Variants in HEG1 observed in about 807,000 individuals in gnomAD.
HEG1 encodes protein HEG homolog 1.
A neutral mutation model predicts 125.6 loss-of-function variants in HEG1; 56 were observed. The observed-to-expected ratio is 0.45, with a 90% CI of 0.36 to 0.56. The LOEUF (loss-of-function observed/expected upper bound fraction) is 0.56, where lower values mean the gene tolerates loss of function less well. HEG1 is among the 20% of genes least tolerant of loss of function. The pLI is 0.00. For synonymous variants in HEG1, 644 were observed against 668.5 expected, an observed-to-expected ratio of 0.96 and a Z score of 0.57; for missense variants, 1,523 against 1,670.0, an observed-to-expected ratio of 0.91 and a Z score of 1.53.
rs1225002080 is a variant in HEG1, at chr3:125,055,681, C to T, written c.210G>A (p.Arg70=). 16 of 1,138,900 alleles carry T rather than the reference C, an allele frequency of 1.4e-5. No individual in the cohort carries two copies. Among genetic ancestry groups the T allele is most frequent in the Non-Finnish European group, 1.7e-5 (16 of 929,044 alleles). 70.5% of individuals were successfully genotyped at this position (1,138,900 alleles called of 1,614,324 possible). A position where few individuals can be genotyped will look rare whatever the true frequency, so the allele number is the denominator to read the frequency against. The change falls in exon 1 of 17, where the codon CGG becomes CGA. Residue 70 remains arginine, a synonymous_variant. Transcript: ENST00000311127. The part of the protein sequence containing the change: ...PEREPPPTPP[R]ERRGPATPGP... ...CGGGGGTCGCGGGCCCGCGGCGCTC[C>T]CGGGGCGGCGTGGGCGGCGGCTCGC...
chr3:124,987,932 C>CAA (rs1936766616), intron 14 of HEG1, among the ~76,000 whole-genome samples: 2 of 92,602 alleles, frequency 2.2e-5, no homozygotes, highest in African/African-American at 6.4e-5. Context: ...TGTACACACA[C>CAA]ACACACACAC....
Position 125,013,841 on chromosome 3 carries a change from T to C in HEG1, c.1738A>G (p.Ile580Val), listed in dbSNP as rs755326166. ...SITDNSSSSD[I>V]VESSTSYIKI... is the part of the protein sequence containing the mutation. ...ATATAAGAAGTTGAGCTCTCCACAA[T>C]GTCTGAGGATGAACTGTTATCTGTA... The change falls in exon 6 of 17, where the codon ATT (isoleucine) becomes GTT (valine). Residue 580 changes from isoleucine to valine, a missense_variant. Ile to Val is a conservative substitution (Grantham distance 29). Transcript: ENST00000311127. 6.2e-7 allele frequency: 1 copy of C among 1,613,900 alleles called. No individual in the cohort carries two copies. Among genetic ancestry groups the C allele is most frequent in the Non-Finnish European group, 8.5e-7 (1 of 1,179,886 alleles).
At chr3:125,035,730 G>A (rs370683506) in intron 1 of HEG1, among the ~76,000 whole-genome samples, 1 of 151,918 alleles carries the variant, frequency 6.6e-6, no homozygotes, top group Non-Finnish European at 1.5e-5. Flanking sequence ...AAAAATACAT[G>A]TGTGAATAAA....
intron 7 of HEG1, 53 bp from the exon 8 acceptor site, chr3:125,009,877 C>A: frequency 6.4e-7 from 1 of 1,559,158 alleles, no homozygotes; most frequent in South Asian, 1.2e-5. Flanking sequence ...ACAGCAAAAC[C>A]ATAACCCAGT....
At chr3:125,028,892 T>A (rs866966559) in intron 2 of HEG1, among the ~76,000 whole-genome samples, 5 of 152,152 alleles carry the variant, frequency 3.3e-5, no homozygotes, top group East Asian at 1.9e-4. Context: ...CAGCTATGCA[T>A]CCCACAAAAC....
At chr3:125,051,975 C>T (rs1003586826) in intron 1 of HEG1, among the ~76,000 whole-genome samples, 1 of 152,184 alleles carries the variant, frequency 6.6e-6, no homozygotes, top group Non-Finnish European at 1.5e-5. Context: ...CAGCAAATAC[C>T]TTTCAGTCTC....
At chr3:124,976,439 C>T (rs189555466) in intron 15 of HEG1, among the ~76,000 whole-genome samples, 2 of 151,878 alleles carry the variant, frequency 1.3e-5, no homozygotes, top group South Asian at 2.1e-4. Flanking sequence ...CCACTCGCCT[C>T]GAACTCCCAA....
intron 1 of HEG1, among the ~76,000 whole-genome samples, chr3:125,053,019 G>C (rs1166623725): frequency 3.3e-5 from 5 of 152,224 alleles, no homozygotes; most frequent in Non-Finnish European, 7.3e-5. Flanking sequence ...CCCATGGCAC[G>C]AAAGGCCTGC....
At position 125,055,746 on chromosome 3, in the gene HEG1, C is replaced by T; in HGVS notation, c.145G>A (p.Gly49Arg). The T allele has an allele frequency of 2.0e-6, 2 of 1,019,054 alleles. No individual in the cohort carries two copies. Among genetic ancestry groups the T allele is most frequent in the Non-Finnish European group, 2.3e-6 (2 of 853,762 alleles). 63.1% of individuals were successfully genotyped at this position (1,019,054 alleles called of 1,614,324 possible). The part of the protein sequence containing the change: ...RRALSLAPLA[G>R]AGLELQLERR... ...TCCAGCTGCAGCTCCAGCCCCGCTCCCGCGAGGGGCGCCAGGCTCAGCGCG... is the reference window on the plus strand; with the variant it reads ...TCCAGCTGCAGCTCCAGCCCCGCTCTCGCGAGGGGCGCCAGGCTCAGCGCG... Residue 49 changes from glycine (G) to arginine (R), a missense_variant, in exon 1 of 17, where the codon GGA becomes AGA. Gly to Arg is a moderately radical substitution (Grantham distance 125, BLOSUM62 -2). Transcript: ENST00000311127.
intron 8 of HEG1, among the ~76,000 whole-genome samples, chr3:125,007,004 C>A (rs1185789184): frequency 6.6e-6 from 1 of 151,716 alleles, no homozygotes; most frequent in Non-Finnish European, 1.5e-5. Context: ...TCGAGACCAT[C>A]CCGGCTAAAA....
chr3:125,012,724 G>GT lies in HEG1; in HGVS notation c.2854dup (p.Thr952AsnfsTer8). 3.1e-6 allele frequency: 5 copies of GT among 1,614,036 alleles called. No homozygotes were observed. The highest frequency in any genetic ancestry group is 4.2e-6 in the Non-Finnish European group (5 of 1,179,902). Reference sequence around the variant, plus strand: ...GTCTTCAGCCGTGGAAACAACTGTGGTTTGGGGAGAAGGAGATGTTCCGAG... The same window carrying GT: ...GTCTTCAGCCGTGGAAACAACTGTGGTTTTGGGGAGAAGGAGATGTTCCGAG... On this transcript the variant is annotated frameshift_variant, in exon 6 of 17. Coordinates refer to ENST00000311127, the MANE Select transcript of HEG1 (RefSeq NM_020733.2). LOFTEE classifies it high-confidence loss of function.
intron 15 of HEG1, 49 bp downstream of exon 15, chr3:124,977,810 A>G (rs1367959915): frequency 8.1e-7 from 1 of 1,235,116 alleles, no homozygotes; most frequent in Admixed American, 2.0e-5. Context: ...TGACCCTTGT[A>G]TAGCACAGGC....
intron 1 of HEG1, among the ~76,000 whole-genome samples, chr3:125,031,668 C>CACAT (rs1184060890): frequency 1.5e-3 from 223 of 144,020 alleles, no homozygotes; most frequent in African/African-American, 5.4e-3. Flanking sequence ...CACACACACA[C>CACAT]ACATACATAC....
chr3:124,976,967 T>C (rs917244701), intron 15 of HEG1, among the ~76,000 whole-genome samples: 1 of 152,182 alleles, frequency 6.6e-6, no homozygotes, highest in African/African-American at 2.4e-5. Flanking sequence ...ATGGTTCGGC[T>C]ATGTCCCCAT....
intron 1 of HEG1, among the ~76,000 whole-genome samples, chr3:125,030,662 G>C (rs562161635): frequency 5.9e-5 from 9 of 152,242 alleles, no homozygotes; most frequent in Non-Finnish European, 1.2e-4. Flanking sequence ...GTAGGTAGCA[G>C]ACGTAGGTGC....
intron 1 of HEG1, among the ~76,000 whole-genome samples, chr3:125,043,982 G>A (rs953417514): frequency 7.2e-5 from 11 of 152,228 alleles, no homozygotes; most frequent in East Asian, 1.9e-4. Context: ...CACAGCTGGC[G>A]GCTGACTTTC....
chr3:125,043,696 G>C (rs900876231), intron 1 of HEG1, among the ~76,000 whole-genome samples: 1 of 152,144 alleles, frequency 6.6e-6, no homozygotes, highest in African/African-American at 2.4e-5. Context: ...CTCTGGACGC[G>C]AAGGCCAAGG....
rs111462997 is a variant in HEG1 at position 124,980,492 on chromosome 3, A to G, written c.3734-2546T>C. Among the ~76,000 whole-genome samples the G allele has an allele frequency of 1.3e-3, 192 of 152,240 alleles. 1 individual carries two copies. Among genetic ancestry groups the G allele is most frequent in the African/African-American group, 4.5e-3 (186 of 41,558 alleles). On this transcript the variant is annotated intron_variant, in intron 14 of 16. Coordinates refer to ENST00000311127, the MANE Select transcript of HEG1 (RefSeq NM_020733.2). ...GATGGTGTACACCAGTGCTTCTCAA[A>G]CTATCTGTGGTCAAGGACCAGTTTT...
At chr3:125,044,769 T>C (rs1033744400) in intron 1 of HEG1, among the ~76,000 whole-genome samples, 6 of 152,154 alleles carry the variant, frequency 3.9e-5, no homozygotes, top group African/African-American at 1.4e-4. Context: ...GGGTAACATG[T>C]ACTGAAAGCA....
Sources: allele counts gnomAD v4.1 joint callset (sites outside exome capture counted in the v4.1 genomes callset), GRCh38; gene constraint gnomAD v4.1.1; transcripts MANE v1.5; gene names NCBI Gene and HGNC (gene_info 2026-07-23, HGNC 2026-07-21).